Variants in PACS2 observed in about 807,000 individuals in gnomAD.
PACS2 encodes the protein PACS1-like protein.
A neutral mutation model predicts 113.0 loss-of-function variants in PACS2; 36 were observed. The observed-to-expected ratio is 0.32, with a 90% CI of 0.24 to 0.42. The LOEUF (loss-of-function observed/expected upper bound fraction) is 0.42, where lower values mean the gene tolerates loss of function less well. Ranked by LOEUF, PACS2 falls within the 10% of genes least tolerant of loss-of-function variation. The pLI is 1.00. For missense variants in PACS2, 1,015 were observed against 1,239.5 expected (o/e 0.82, Z 2.72); for synonymous variants, 589 against 536.1 (o/e 1.10, Z -1.36).
At chr14:105,320,665 G>A (rs1477387182) in intron 1 of PACS2, among the ~76,000 whole-genome samples, 1 of 152,162 alleles carries the variant, frequency 6.6e-6, no homozygotes, top group Admixed American at 6.6e-5. Context: ...TTAGATGATA[G>A]TATCTTGTTT....
chr14:105,377,059 G>C (rs1335825866), intron 9 of PACS2, 134 bp downstream of exon 9: 1 of 937,020 alleles, frequency 1.1e-6, no homozygotes, highest in African/African-American at 1.7e-5. Flanking sequence ...GCCTGGGAAG[G>C]CTCTGGTGGC....
At chr14:105,346,088 G>A (rs1249401459) in intron 1 of PACS2, among the ~76,000 whole-genome samples, 2 of 152,174 alleles carry the variant, frequency 1.3e-5, no homozygotes, top group South Asian at 2.1e-4. Flanking sequence ...ACTGCAGCTC[G>A]GGGAATGAGT....
rs587754542 is a variant in PACS2 at position 105,377,987 on chromosome 14, C to T, written c.959+1062C>T. Among the ~76,000 whole-genome samples, 12 of 152,338 alleles carry T rather than the reference C, an allele frequency of 7.9e-5. No homozygotes were observed. In the East Asian group the frequency reaches 1.9e-3, roughly 24 times the overall value. ...CGGGATGGGGGTCTGGCTGCCCTGC[C>T]GCCTGGTGGCCGTTGGTCATTCTTG... On this transcript the variant is annotated intron_variant, in intron 9 of 24. Transcript: ENST00000447393.
chr14:105,367,594 C>G (rs587603359), intron 5 of PACS2, among the ~76,000 whole-genome samples: 6 of 152,394 alleles, frequency 3.9e-5, no homozygotes, highest in African/African-American at 1.4e-4. Context: ...GGCTGCAGCT[C>G]CTTGGTCAAG....
At chr14:105,307,341 C>T (rs1221602489) in intron 1 of PACS2, among the ~76,000 whole-genome samples, 1 of 152,182 alleles carries the variant, frequency 6.6e-6, no homozygotes, top group Non-Finnish European at 1.5e-5. Flanking sequence ...CTAGATACCA[C>T]CCCCAAGCCC....
intron 10 of PACS2, 70 bp from the exon 11 acceptor site, chr14:105,380,010 C>T: frequency 1.4e-6 from 2 of 1,449,244 alleles, no homozygotes; most frequent in African/African-American, 1.4e-5. Context: ...TCCCAGCATT[C>T]CCAGTCCAGA....
chr14:105,377,678 C>A (rs782746402), intron 9 of PACS2, among the ~76,000 whole-genome samples: 5 of 152,224 alleles, frequency 3.3e-5, no homozygotes, highest in Admixed American at 6.5e-5. Flanking sequence ...TGCAGCCACG[C>A]AGCGGCCTCC....
chr14:105,303,056 G>A (rs1448949659), intron 1 of PACS2, among the ~76,000 whole-genome samples: 3 of 151,920 alleles, frequency 2.0e-5, no homozygotes, highest in Non-Finnish European at 4.4e-5. Flanking sequence ...AGCCTCCCAA[G>A]TAGCTGGAAT....
Position 105,355,324 on chromosome 14 carries a change from CGCCATAAGG to C in PACS2, c.423+152_423+160del, listed in dbSNP as rs1171214486. On this transcript the variant is annotated intron_variant, in intron 4 of 24. Transcript: ENST00000447393. This position sits in a 1 kb window ranked among gnomAD's most constrained non-coding sequence, Gnocchi z 4.1. Reference sequence around the variant, plus strand: ...GAGAGGAGCCTGGGCGGCCGGGCTCCGCCATAAGGGCCAGGTGCGGCCCCAGGTGGTGCT... The same window carrying C: ...GAGAGGAGCCTGGGCGGCCGGGCTCCGCCAGGTGCGGCCCCAGGTGGTGCT... 13 of 1,000,252 alleles carry C rather than the reference CGCCATAAGG, an allele frequency of 1.3e-5. No homozygotes were observed. Among genetic ancestry groups the C allele is most frequent in the Non-Finnish European group, 1.8e-5 (13 of 704,774 alleles). The allele number at this position is 1,000,252 out of a possible 1,614,324, so 62.0% of individuals were successfully genotyped here. A position where few individuals can be genotyped will look rare whatever the true frequency, so the allele number is the denominator to read the frequency against.
rs1207441059 is a variant in PACS2, at chr14:105,354,712, C to T, written c.298-340C>T. 2.0e-5 allele frequency among the ~76,000 whole-genome samples: 3 copies of T among 152,196 alleles called. No homozygotes were observed. The highest frequency in any genetic ancestry group is 4.4e-5 in the Non-Finnish European group (3 of 68,042). On this transcript the variant is annotated intron_variant, in intron 3 of 24. Coordinates refer to ENST00000447393, the MANE Select transcript of PACS2 (RefSeq NM_001100913.3). The surrounding 1 kb of genome is among the most constrained non-coding windows in gnomAD (Gnocchi z 4.2). Reference sequence around the variant, plus strand: ...TGCTGATTGCCTCAGGCACATGAGCCGCCACACTGTTTCCGAGTGTCCACA... The same window carrying T: ...TGCTGATTGCCTCAGGCACATGAGCTGCCACACTGTTTCCGAGTGTCCACA...
Position 105,329,014 on chromosome 14 carries a change from C to T in PACS2, c.119+13977C>T, listed in dbSNP as rs1346873396. On this transcript the variant is annotated intron_variant, in intron 1 of 24. Coordinates refer to ENST00000447393, the MANE Select transcript of PACS2 (RefSeq NM_001100913.3). This position sits in a 1 kb window ranked among gnomAD's most constrained non-coding sequence, Gnocchi z 6.4. ...GCGCTCTAGGCATTCGATGAATCTT[C>T]TCCACCTTGCTGTGGGGTTAATTCA... 1.3e-5 allele frequency among the ~76,000 whole-genome samples: 2 copies of T among 152,258 alleles called. No homozygotes were observed. Among genetic ancestry groups the T allele is most frequent in the East Asian group, 1.9e-4 (1 of 5,200 alleles).
At chr14:105,393,432 CTGTG>C in intron 24 of PACS2, 97 bp downstream of exon 24, 1 of 712,754 alleles carries the variant, frequency 1.4e-6, no homozygotes, top group South Asian at 1.7e-5. Flanking sequence ...GGGTGTCTCG[CTGTG>C]ACACGCACAT....
At chr14:105,393,642 T>C (rs1555415655) in intron 24 of PACS2, 1 of 281,156 alleles carries the variant, frequency 3.6e-6, no homozygotes, top group Non-Finnish European at 6.7e-6. Flanking sequence ...CAGGCTGGAG[T>C]GCAATGGTGT....
At chr14:105,390,344 G>A in intron 20 of PACS2, 1 of 364,686 alleles carries the variant, frequency 2.7e-6, no homozygotes, top group Non-Finnish European at 5.2e-6. Flanking sequence ...GGGCGCCTCT[G>A]TCCTTTAGGA....
chr14:105,391,634 A>T lies in PACS2; in HGVS notation c.2123A>T (p.Asp708Val). The change falls in exon 22 of 25, where the codon GAC (aspartate) becomes GTC (valine). Residue 708 changes from aspartate (D) to valine (V), a missense_variant. Around this residue, in one of 3 missense-constraint regions of PACS2, gnomAD observed 859 missense variants for 1,056.8 expected, o/e 0.81. Coordinates refer to ENST00000447393, the MANE Select transcript of PACS2 (RefSeq NM_001100913.3). ...IVEPSSATSG[D>V]SDDAAPSGSG... ...GCCCTGTGACTCCTCCCCAAAGGCG[A>T]CTCGGACGACGCGGCCCCCTCGGGC... 6.2e-7 allele frequency: 1 copy of T among 1,608,298 alleles called. No homozygotes were observed. Among genetic ancestry groups the T allele is most frequent in the East Asian group, 2.2e-5 (1 of 44,752 alleles).
chr14:105,373,464 G>A (rs185168870), intron 8 of PACS2, among the ~76,000 whole-genome samples: 2 of 152,334 alleles, frequency 1.3e-5, no homozygotes, highest in Admixed American at 6.5e-5. Flanking sequence ...TATCCATGGG[G>A]GAAGAATAGT....
chr14:105,390,024 T>C (rs782412187), intron 20 of PACS2, 21 bp downstream of exon 20: 4 of 1,611,114 alleles, frequency 2.5e-6, no homozygotes, highest in African/African-American at 2.7e-5. Flanking sequence ...GCCAGCTTTA[T>C]GTGATGGGAA....
chr14:105,321,221 G>C (rs1361551529), intron 1 of PACS2, among the ~76,000 whole-genome samples: 1 of 152,210 alleles, frequency 6.6e-6, no homozygotes, highest in African/African-American at 2.4e-5. Flanking sequence ...TGATGGTGCA[G>C]TGTTTGTCTA....
chr14:105,352,419 C>G lies in PACS2; in HGVS notation c.249C>G (p.Pro83=), dbSNP rs972708233. 1.2e-6 allele frequency: 2 copies of G among 1,612,914 alleles called. No homozygotes were observed. The highest frequency in any genetic ancestry group is 1.3e-5 in the African/African-American group (1 of 74,852). Residue 83 remains proline, a synonymous_variant, in exon 3 of 25, where the codon CCC becomes CCG. Transcript: ENST00000447393. ...TGCGGTCCCATGAGATTGTGCTGCC[C>G]CCCAGTGGACAAGTGGAGACAGACC... ...RILRSHEIVL[P]PSGQVETDLA...
Sources: allele counts gnomAD v4.1 joint callset (sites outside exome capture counted in the v4.1 genomes callset), GRCh38; gene constraint gnomAD v4.1.1; regional missense constraint gnomAD v4.1.1; non-coding constraint Gnocchi (gnomAD v3.1); transcripts MANE v1.5; gene names NCBI Gene and HGNC (gene_info 2026-07-23, HGNC 2026-07-21).